Variants in RASSF1 observed in about 807,000 individuals in gnomAD.
The protein encoded by RASSF1 is ras association domain-containing protein 1.
A neutral mutation model predicts 34.3 loss-of-function variants in RASSF1; 33 were observed. The observed-to-expected ratio is 0.96, with a 90% CI of 0.73 to 1.29. The LOEUF (loss-of-function observed/expected upper bound fraction) is 1.29. Ranked by LOEUF, RASSF1 falls within the 50% of genes most tolerant of loss-of-function variation. The probability of loss-of-function intolerance (pLI) is 0.00; values close to 1 mark genes in which losing one functional copy is unlikely to be tolerated. For missense variants in RASSF1, 445 were observed against 471.8 expected (o/e 0.94, Z 0.53); for synonymous variants, 191 against 195.0 (o/e 0.98, Z 0.17).
At position 50,335,339 on chromosome 3, in the gene RASSF1, C is replaced by T. The variant is rs190126585; in HGVS notation, c.357+2566G>A. Among the ~76,000 whole-genome samples the T allele has an allele frequency of 0.014, 1,690 of 120,236 alleles. 125 individuals are homozygous for T. The Admixed American group carries it at 0.15, about 10-fold the overall frequency. 78.9% of individuals were successfully genotyped at this position (120,236 alleles called of 152,430 possible). A position where few individuals can be genotyped will look rare whatever the true frequency, so the allele number is the denominator to read the frequency against. On this transcript the variant is annotated intron_variant, in intron 2 of 5. Transcript: ENST00000359365. ...TTTTTTTTTTTTTTTTTTTTTGAGA[C>T]AGAGTCTTGCTCTCTCATCCAGGCT...
intron 1 of RASSF1, 190 bp from the exon 2 acceptor site, chr3:50,338,201 A>C: frequency 3.5e-6 from 5 of 1,413,486 alleles, no homozygotes; most frequent in Non-Finnish European, 4.6e-6. Flanking sequence ...ACCGGCCGGA[A>C]GGCCACAGGC....
At position 50,330,281 on chromosome 3, in the gene RASSF1, G is replaced by A. The variant is rs1702886479; in HGVS notation, c.*300C>T. 3.0e-6 allele frequency: 1 copy of A among 332,978 alleles called. No individual in the cohort carries two copies. The highest frequency in any genetic ancestry group is 2.1e-5 in the African/African-American group (1 of 47,062). The allele number at this position is 332,978 out of a possible 1,614,324, so 20.6% of individuals were successfully genotyped here. Reference sequence around the variant, plus strand: ...GGGTCTCCAAGATTTTCACTTCTGAGACAAAAATTGAGGAGACTTCTGTCT... The same window carrying A: ...GGGTCTCCAAGATTTTCACTTCTGAAACAAAAATTGAGGAGACTTCTGTCT... On this transcript the variant is annotated 3_prime_UTR_variant, in exon 6 of 6. Transcript: ENST00000359365. The surrounding 1 kb of genome is among the most constrained non-coding windows in gnomAD (Gnocchi z 4.5).
rs36062722 is a variant in RASSF1, at chr3:50,337,945, T to TC, written c.316dup (p.Asp106GlyfsTer24). The TC allele has an allele frequency of 1.9e-6, 3 of 1,611,906 alleles. No homozygotes were observed. Among genetic ancestry groups the TC allele is most frequent in the Non-Finnish European group, 2.5e-6 (3 of 1,179,204 alleles). ...CTCCACCGCGGGTTCCCAGCCCAGG[T>TC]CCCGGGGCCCGCAACAGTCCAGGCA... On this transcript the variant is annotated frameshift_variant, in exon 2 of 6. Transcript: ENST00000359365. LOFTEE classifies it high-confidence loss of function.
At chr3:50,332,598 G>C (rs146459369) in intron 2 of RASSF1, among the ~76,000 whole-genome samples, 244 of 151,838 alleles carry the variant, frequency 1.6e-3, no homozygotes, top group African/African-American at 5.7e-3. Flanking sequence ...GACCAGCTTG[G>C]GCAACATAGC....
intron 2 of RASSF1, among the ~76,000 whole-genome samples, chr3:50,333,535 G>A (rs1703018589): frequency 6.6e-6 from 1 of 151,706 alleles, no homozygotes; most frequent in Non-Finnish European, 1.5e-5. Flanking sequence ...GTAGTGCAGT[G>A]GCTGGATCTT....
intron 1 of RASSF1, 33 bp downstream of exon 1, chr3:50,340,523 C>T (rs1336818842): frequency 4.9e-6 from 7 of 1,443,112 alleles, no homozygotes; most frequent in Admixed American, 2.8e-5. Context: ...GCTGCCCCTT[C>T]CGCTCTCGTA....
intron 1 of RASSF1, 30 bp from the exon 2 acceptor site, chr3:50,338,041 G>T: frequency 6.4e-7 from 1 of 1,553,816 alleles, no homozygotes; most frequent in South Asian, 1.2e-5. Context: ...TGAGGCGGAG[G>T]AGCTCCAGGT....
At chr3:50,340,126 A>G (rs750988204) in intron 1 of RASSF1, among the ~76,000 whole-genome samples, 8 of 152,142 alleles carry the variant, frequency 5.3e-5, no homozygotes, top group Non-Finnish European at 8.8e-5. Flanking sequence ...TCCTGCTTGC[A>G]GGGGGCCCAC....
chr3:50,333,911 C>G (rs992761319), intron 2 of RASSF1, among the ~76,000 whole-genome samples: 1 of 152,230 alleles, frequency 6.6e-6, no homozygotes, highest in African/African-American at 2.4e-5. Context: ...CTTGGCCCCA[C>G]TGCATCAGCC....
At position 50,329,988 on chromosome 3, in the gene RASSF1, C is replaced by T. The variant is rs1702877298; in HGVS notation, c.*593G>A. On this transcript the variant is annotated 3_prime_UTR_variant, in exon 6 of 6. Transcript: ENST00000359365. Reference sequence around the variant, plus strand: ...AGGTATGAACCTGGGCCAGTGCCCACATTCACACAGACCCTGGCCCAGGGA... The same window carrying T: ...AGGTATGAACCTGGGCCAGTGCCCATATTCACACAGACCCTGGCCCAGGGA... The T allele has an allele frequency of 6.5e-6, 1 of 152,770 alleles. No individual in the cohort carries two copies. The highest frequency in any genetic ancestry group is 1.5e-5 in the Non-Finnish European group (1 of 68,192). 9.5% of individuals were successfully genotyped at this position (152,770 alleles called of 1,614,324 possible). A position where few individuals can be genotyped will look rare whatever the true frequency, so the allele number is the denominator to read the frequency against.
Position 50,340,836 on chromosome 3 carries a change from T to C in RASSF1, c.-31A>G. 1 of 1,447,698 alleles carries C rather than the reference T, an allele frequency of 6.9e-7. No individual in the cohort carries two copies. Among genetic ancestry groups the C allele is most frequent in the Non-Finnish European group, 9.0e-7 (1 of 1,113,006 alleles). The allele number at this position is 1,447,698 out of a possible 1,614,324, so 89.7% of individuals were successfully genotyped here. A position where few individuals can be genotyped will look rare whatever the true frequency, so the allele number is the denominator to read the frequency against. ...GGTTGGGCCCGTGCTTCGCTGGCTTTGGGCGCTAGCAAGCGCGGGCCGGGC... is the reference window on the plus strand; with the variant it reads ...GGTTGGGCCCGTGCTTCGCTGGCTTCGGGCGCTAGCAAGCGCGGGCCGGGC... On this transcript the variant is annotated 5_prime_UTR_variant, in exon 1 of 6. Coordinates refer to ENST00000359365, the MANE Select transcript of RASSF1 (RefSeq NM_007182.5).
intron 1 of RASSF1, 42 bp from the exon 2 acceptor site, chr3:50,338,053 G>A: frequency 6.5e-7 from 1 of 1,544,748 alleles, no homozygotes; most frequent in Non-Finnish European, 8.8e-7. Flanking sequence ...GCTCCAGGTC[G>A]GGGAAATGTC....
At chr3:50,331,267 C>T in intron 5 of RASSF1, 67 bp downstream of exon 5, 1 of 1,237,292 alleles carries the variant, frequency 8.1e-7, no homozygotes, top group Non-Finnish European at 1.1e-6. Context: ...TCCTCCAAGC[C>T]TTACTGTAGC....
intron 1 of RASSF1, among the ~76,000 whole-genome samples, chr3:50,340,047 C>G (rs777085778): frequency 2.0e-5 from 3 of 152,104 alleles, no homozygotes; most frequent in Non-Finnish European, 4.4e-5. Context: ...TGTGTGGCTG[C>G]GTGCATATTT....
rs1429447183 is a variant in RASSF1, at chr3:50,331,866, T to C, written c.463-10A>G. 7.7e-6 allele frequency: 12 copies of C among 1,551,026 alleles called. No homozygotes were observed. Among genetic ancestry groups the C allele is most frequent in the Admixed American group, 5.7e-5 (3 of 52,318 alleles). On this transcript the variant is annotated splice_polypyrimidine_tract_variant and intron_variant, in intron 3 of 5. Transcript: ENST00000359365. ...AAGAACCGTCCTTGTTCTAAAGAAA[T>C]AGAGAAACCAAACCTTGATAATAGG...
At position 50,330,624 on chromosome 3, in the gene RASSF1, C is replaced by T. The variant is rs587623233; in HGVS notation, c.980G>A (p.Arg327His). The T allele has an allele frequency of 1.2e-5, 20 of 1,614,122 alleles. No homozygotes were observed. Among genetic ancestry groups the T allele is most frequent in the South Asian group, 8.8e-5 (8 of 91,082 alleles). Residue 327 changes from arginine (R) to histidine (H), a missense_variant, in exon 6 of 6, where the codon CGC becomes CAC. By Grantham distance (29) the Arg-to-His change is conservative. Transcript: ENST00000359365. The surrounding 1 kb of genome is among the most constrained non-coding windows in gnomAD (Gnocchi z 4.5). ...RQILQKYSYCRQKIQEALHAC... is the reference protein window; with the variant it reads ...RQILQKYSYCHQKIQEALHAC... ...GTGCAGGGCCTCTTGGATCTTCTGG[C>T]GGCAATAGGAGTACTTCTGCAGGAT...
chr3:50,330,822 A>G lies in RASSF1; in HGVS notation c.877-95T>C. 1 of 1,370,548 alleles carries G rather than the reference A, an allele frequency of 7.3e-7. No individual in the cohort carries two copies. Among genetic ancestry groups the G allele is most frequent in the Non-Finnish European group, 1.0e-6 (1 of 1,004,844 alleles). The allele number at this position is 1,370,548 out of a possible 1,614,324, so 84.9% of individuals were successfully genotyped here. On this transcript the variant is annotated intron_variant, in intron 5 of 5. Transcript: ENST00000359365. The surrounding 1 kb of genome is among the most constrained non-coding windows in gnomAD (Gnocchi z 4.5). The stretch of plus-strand genomic sequence containing the variant: ...AAGACTAGCACCTCATGTTCACACA[A>G]GCTAGGACTGGGCTTTCTGATGTCA...
chr3:50,337,626 G>A (rs1703203460), intron 2 of RASSF1: 2 of 1,060,998 alleles, frequency 1.9e-6, no homozygotes, highest in Non-Finnish European at 2.7e-6. Context: ...CACAAGAGTG[G>A]CCTCTGGCCG....
Position 50,337,908 on chromosome 3 carries a change from G to C in RASSF1, c.354C>G (p.Asn118Lys). 1 of 1,604,102 alleles carries C rather than the reference G, an allele frequency of 6.2e-7. No individual in the cohort carries two copies. Among genetic ancestry groups the C allele is most frequent in the Non-Finnish European group, 8.5e-7 (1 of 1,171,814 alleles). The change falls in exon 2 of 6, where the codon AAC becomes AAG. Residue 118 changes from asparagine (N) to lysine (K), a missense_variant. Coordinates refer to ENST00000359365, the MANE Select transcript of RASSF1 (RefSeq NM_007182.5). ...ACGCCCTCGGCCCCGCGCTCACCAC[G>C]TTCGTGTCCCGCTCCACCGCGGGTT... ...GWEPAVERDT[N>K]VDEPVEWETP...
Sources: allele counts gnomAD v4.1 joint callset (sites outside exome capture counted in the v4.1 genomes callset), GRCh38; gene constraint gnomAD v4.1.1; non-coding constraint Gnocchi (gnomAD v3.1); transcripts MANE v1.5; gene names NCBI Gene and HGNC (gene_info 2026-07-23, HGNC 2026-07-21).